The following MYNN variants were observed in gnomAD, a reference collection of about 807,000 sequenced individuals.
MYNN encodes zinc finger and BTB domain-containing protein 31.
A neutral mutation model predicts 57.2 loss-of-function variants in MYNN; 22 were observed. That is an observed-to-expected ratio of 0.38 (90% CI 0.27 to 0.55). The LOEUF (loss-of-function observed/expected upper bound fraction) is 0.55, where lower values mean the gene tolerates loss of function less well. MYNN is among the 20% of genes least tolerant of loss of function. The probability of loss-of-function intolerance (pLI) is 0.71; values close to 1 mark genes in which losing one functional copy is unlikely to be tolerated. For missense variants in MYNN, 566 were observed against 723.1 expected (o/e 0.78, Z 2.49); for synonymous variants, 241 against 257.1 (o/e 0.94, Z 0.60).
chr3:169,787,586 A>C lies in MYNN; in HGVS notation c.*908A>C, dbSNP rs1206950989. ...GATATAAACTTAATGCATACTAGAA[A>C]TCACTTGGCTTCTAAATTTGGTACA... On this transcript the variant is annotated 3_prime_UTR_variant, in exon 8 of 8. Coordinates refer to ENST00000349841, the MANE Select transcript of MYNN (RefSeq NM_018657.5). The C allele has an allele frequency of 1.3e-5, 2 of 152,164 alleles. No homozygotes were observed. Among genetic ancestry groups the C allele is most frequent in the African/African-American group, 4.8e-5 (2 of 41,458 alleles). The allele number at this position is 152,164 out of a possible 1,614,324, so 9.4% of individuals were successfully genotyped here. A position where few individuals can be genotyped will look rare whatever the true frequency, so the allele number is the denominator to read the frequency against.
chr3:169,788,530 C>G lies in MYNN; in HGVS notation c.*1852C>G, dbSNP rs1467680341. On this transcript the variant is annotated 3_prime_UTR_variant, in exon 8 of 8. Transcript: ENST00000349841. ...GAGGTTATGTTTAATTTATTTATAT[C>G]TTCGTTAATCCAAGCATCTAATGAA... The G allele has an allele frequency of 6.6e-6, 1 of 152,122 alleles. No homozygotes were observed. Among genetic ancestry groups the G allele is most frequent in the Non-Finnish European group, 1.5e-5 (1 of 67,974 alleles). The allele number at this position is 152,122 out of a possible 1,614,324, so 9.4% of individuals were successfully genotyped here.
At chr3:169,786,394 T>A (rs758555933) in intron 7 of MYNN, 22 bp from the exon 8 acceptor site, 1 of 1,581,552 alleles carries the variant, frequency 6.3e-7, no homozygotes, top group South Asian at 1.1e-5. Flanking sequence ...ATAATGTAGA[T>A]TTTTTTTTCC....
rs573925210 is a variant in MYNN at position 169,777,452 on chromosome 3, C to T, written c.267-1316C>T. On this transcript the variant is annotated intron_variant, in intron 2 of 7. Coordinates refer to ENST00000349841, the MANE Select transcript of MYNN (RefSeq NM_018657.5). ...ATAAACCATATTTAGGGAAAAAAATCAAGTAGGAAGATTATTTGAGGGTAA... is the reference window on the plus strand; with the variant it reads ...ATAAACCATATTTAGGGAAAAAAATTAAGTAGGAAGATTATTTGAGGGTAA... 2.6e-5 allele frequency: 4 copies of T among 151,488 alleles called. No homozygotes were observed. In the East Asian group the frequency reaches 7.7e-4, roughly 29 times the overall value. 9.4% of individuals were successfully genotyped at this position (151,488 alleles called of 1,614,324 possible). A position where few individuals can be genotyped will look rare whatever the true frequency, so the allele number is the denominator to read the frequency against.
chr3:169,786,418 G>A lies in MYNN; in HGVS notation c.1573G>A (p.Ala525Thr), dbSNP rs1330302641. 1.2e-6 allele frequency: 2 copies of A among 1,606,254 alleles called. No homozygotes were observed. The highest frequency in any genetic ancestry group is 1.7e-6 in the Non-Finnish European group (2 of 1,175,006). The change falls in exon 8 of 8, where the codon GCA becomes ACA. Residue 525 changes from alanine (A) to threonine (T), a missense_variant and splice_region_variant. Physicochemically the swap from Ala to Thr is moderately conservative, Grantham distance 58 (BLOSUM62 0). This residue lies in a region of MYNN where 156 missense variants were observed against 163.9 expected (regional missense o/e 0.95). Coordinates refer to ENST00000349841, the MANE Select transcript of MYNN (RefSeq NM_018657.5). ...ATTTTTTTTTCCTTCCATTCTAGGT[G>A]CAGATAAAACTCTAGACTCCAGTGC... ...KKHKTKVHSG[A>T]DKTLDSSAED...
chr3:169,783,496 T>G lies in MYNN; in HGVS notation c.1419T>G (p.Cys473Trp). ...RKHTGEKPYI[C>W]GICGKSFISS... ...ATCTAGGTGAAAAACCATACATATGTGGTATTTGTGGGAAAAGTTTTATTT... is the reference window on the plus strand; with the variant it reads ...ATCTAGGTGAAAAACCATACATATGGGGTATTTGTGGGAAAAGTTTTATTT... The change falls in exon 6 of 8, where the codon TGT becomes TGG. Residue 473 changes from cysteine (C) to tryptophan (W), a missense_variant. Physicochemically the swap from Cys to Trp is radical, Grantham distance 215. Transcript: ENST00000349841. The G allele has an allele frequency of 6.2e-7, 1 of 1,609,396 alleles. No homozygotes were observed. The highest frequency in any genetic ancestry group is 8.5e-7 in the Non-Finnish European group (1 of 1,176,384).
intron 4 of MYNN, among the ~76,000 whole-genome samples, chr3:169,781,766 G>T (rs1358458140): frequency 6.6e-6 from 1 of 152,212 alleles, no homozygotes; most frequent in Non-Finnish European, 1.5e-5. Context: ...TGGGAAGTCA[G>T]CAGTGCTCTT....
chr3:169,780,354 A>G (rs1332306281), intron 3 of MYNN: 2 of 334,716 alleles, frequency 6.0e-6, no homozygotes, highest in African/African-American at 2.2e-5. Flanking sequence ...CACCGAGCCC[A>G]GCCCTAGATT....
rs1421122307 is a variant in MYNN at position 169,782,631 on chromosome 3, C to T, written c.1387C>T (p.Arg463Ter). Residue 463 changes from arginine to a stop codon, truncating the protein, a stop_gained, in exon 5 of 8, where the codon CGA becomes TGA. Transcript: ENST00000349841. LOFTEE classifies it high-confidence loss of function. The surrounding 1 kb of genome is among the most constrained non-coding windows in gnomAD (Gnocchi z 4.8). Reference sequence around the variant, plus strand: ...CTCTAGTTCTCTTATCACTCATTCTCGAAAACATACAGGTAAGTTTGACAG... The same window carrying T: ...CTCTAGTTCTCTTATCACTCATTCTTGAAAACATACAGGTAAGTTTGACAG... Reference protein sequence around the residue: ...AVSSSLITHSRKHTGEKPYIC... With the variant: ...AVSSSLITHS 1.2e-6 allele frequency: 2 copies of T among 1,613,106 alleles called. No homozygotes were observed. Among genetic ancestry groups the T allele is most frequent in the Non-Finnish European group, 1.7e-6 (2 of 1,179,574 alleles).
Position 169,780,639 on chromosome 3 carries a change from A to G in MYNN, c.1110A>G (p.Lys370=), listed in dbSNP as rs752690208. 6.2e-7 allele frequency: 1 copy of G among 1,612,868 alleles called. No individual in the cohort carries two copies. The highest frequency in any genetic ancestry group is 8.5e-7 in the Non-Finnish European group (1 of 1,179,538). ...CELCDKGFAQ[K]CQLVFHSRMH... ...TGTGTGATAAAGGATTTGCTCAGAA[A>G]TGTCAGCTAGTCTTCCATAGTCGCA... Residue 370 remains lysine, a synonymous_variant, in exon 4 of 8, where the codon AAA becomes AAG. Coordinates refer to ENST00000349841, the MANE Select transcript of MYNN (RefSeq NM_018657.5).
At chr3:169,777,263 T>C (rs981974365) in intron 2 of MYNN, 2 of 152,244 alleles carry the variant, frequency 1.3e-5, no homozygotes, top group Non-Finnish European at 2.9e-5. Context: ...AGCATACTTT[T>C]AGAGATCTTA....
At chr3:169,785,081 G>T (rs1330951909) in intron 7 of MYNN, among the ~76,000 whole-genome samples, 1 of 143,824 alleles carries the variant, frequency 7.0e-6, no homozygotes, top group Non-Finnish European at 1.5e-5. Flanking sequence ...GGGGGGGGGG[G>T]TGGTGTTATC....
At position 169,788,010 on chromosome 3, in the gene MYNN, A is replaced by G. The variant is rs908608666; in HGVS notation, c.*1332A>G. 1.3e-5 allele frequency: 2 copies of G among 151,910 alleles called. No homozygotes were observed. The highest frequency in any genetic ancestry group is 2.4e-5 in the African/African-American group (1 of 41,350). The allele number at this position is 151,910 out of a possible 1,614,324, so 9.4% of individuals were successfully genotyped here. A position where few individuals can be genotyped will look rare whatever the true frequency, so the allele number is the denominator to read the frequency against. On this transcript the variant is annotated 3_prime_UTR_variant, in exon 8 of 8. Coordinates refer to ENST00000349841, the MANE Select transcript of MYNN (RefSeq NM_018657.5). ...AGGCTGTTGTTCAGTGTGAGATGAC[A>G]TCATTTCTTATTTCTGCCATGCTGT...
intron 2 of MYNN, among the ~76,000 whole-genome samples, chr3:169,775,649 A>C (rs962091724): frequency 6.6e-6 from 1 of 151,836 alleles, no homozygotes; most frequent in Non-Finnish European, 1.5e-5. Context: ...TTTCTTCTTT[A>C]CCCTCTCCTC....
chr3:169,778,010 C>G (rs1052008758), intron 2 of MYNN: 1 of 153,256 alleles, frequency 6.5e-6, no homozygotes, highest in Non-Finnish European at 1.5e-5. Context: ...GGGAGGATCA[C>G]TTGAGGCCAG....
Position 169,779,164 on chromosome 3 carries a change from TGTAGTA to T in MYNN, c.665_670del (p.Val222_Val223del). The T allele has an allele frequency of 6.2e-7, 1 of 1,614,200 alleles. No individual in the cohort carries two copies. The highest frequency in any genetic ancestry group is 1.1e-5 in the South Asian group (1 of 91,084). ...TAGATGCAAATAAACTGCCCACACC[TGTAGTA>T]GAACAAGTTGCACAAATAAATGATA... On this transcript the variant is annotated inframe_deletion, in exon 3 of 8. Transcript: ENST00000349841.
rs1363278410 is a variant in MYNN, at chr3:169,779,464, G to T, written c.963G>T (p.Met321Ile). The change falls in exon 3 of 8, where the codon ATG (methionine) becomes ATT (isoleucine). Residue 321 changes from methionine to isoleucine, a missense_variant. Physicochemically the swap from Met to Ile is conservative, Grantham distance 10. This residue lies in a region of MYNN where 123 missense variants were observed against 222.6 expected (regional missense o/e 0.55). Transcript: ENST00000349841. ...FSEASSLRRH[M>I]RIHKGVKPYV... ...AAGCCAGCAGTTTGAGAAGGCACATGAGAATACATAAAGGAGTCAAACCTT... is the reference window on the plus strand; with the variant it reads ...AAGCCAGCAGTTTGAGAAGGCACATTAGAATACATAAAGGAGTCAAACCTT... 1 of 1,614,210 alleles carries T rather than the reference G, an allele frequency of 6.2e-7. No homozygotes were observed. Among genetic ancestry groups the T allele is most frequent in the South Asian group, 1.1e-5 (1 of 91,092 alleles).
chr3:169,786,742 A>G lies in MYNN; in HGVS notation c.*64A>G. On this transcript the variant is annotated 3_prime_UTR_variant, in exon 8 of 8. Transcript: ENST00000349841. ...AGCAAACATCTCTGGTAAGGTGCATATATTCATATTAAATTCCCATTCATT... is the reference window on the plus strand; with the variant it reads ...AGCAAACATCTCTGGTAAGGTGCATGTATTCATATTAAATTCCCATTCATT... The G allele has an allele frequency of 4.1e-6, 6 of 1,467,134 alleles. No individual in the cohort carries two copies. The highest frequency in any genetic ancestry group is 5.6e-6 in the Non-Finnish European group (6 of 1,076,034). The allele number at this position is 1,467,134 out of a possible 1,614,324, so 90.9% of individuals were successfully genotyped here.
At chr3:169,780,276 T>C in intron 3 of MYNN, 1 of 176,222 alleles carries the variant, frequency 5.7e-6, no homozygotes, top group Non-Finnish European at 1.2e-5. Flanking sequence ...GCCAGGATGG[T>C]CTCGATCTCC....
chr3:169,782,761 T>TAA lies in MYNN; in HGVS notation c.1399+119_1399+120insAA. ...GTAGTTAGATATCTGTTTATATTTCTATAAGCTATGTTTATGATTTTTGCA... is the reference window on the plus strand; with the variant it reads ...GTAGTTAGATATCTGTTTATATTTCTAAATAAGCTATGTTTATGATTTTTGCA... On this transcript the variant is annotated intron_variant, in intron 5 of 7. Transcript: ENST00000349841. The surrounding 1 kb of genome is among the most constrained non-coding windows in gnomAD (Gnocchi z 4.8). 1.4e-6 allele frequency: 1 copy of TAA among 727,520 alleles called. No homozygotes were observed. The highest frequency in any genetic ancestry group is 2.2e-6 in the Non-Finnish European group (1 of 457,396). The allele number at this position is 727,520 out of a possible 1,614,324, so 45.1% of individuals were successfully genotyped here.
Sources: gnomAD v4.1 joint callset for allele counts (sites outside exome capture counted in the v4.1 genomes callset) on GRCh38, gnomAD v4.1.1 for gene constraint, gnomAD v4.1.1 regional missense constraint, Gnocchi (gnomAD v3.1) non-coding constraint, MANE v1.5 for transcripts, NCBI Gene and HGNC (gene_info 2026-07-23, HGNC 2026-07-21) for gene names.